SLC7A2: variants seen among roughly 807,000 people sequenced by gnomAD.
SLC7A2 encodes cationic amino acid transporter 2.
SLC7A2 carries 48 observed loss-of-function variants against 58.9 expected under a neutral mutation model. That is an observed-to-expected ratio of 0.82 (90% confidence interval 0.65 to 1.04). The LOEUF is 1.04. SLC7A2 is among the 50% of genes least tolerant of loss of function. The probability of loss-of-function intolerance (pLI) is 0.00; values close to 1 mark genes in which losing one functional copy is unlikely to be tolerated. For missense variants in SLC7A2, 1,029 were observed against 818.8 expected, an observed-to-expected ratio of 1.26 and a Z score of -3.13; for synonymous variants, 363 against 314.5, an observed-to-expected ratio of 1.15 and a Z score of -1.63.
At position 17,544,513 on chromosome 8, in the gene SLC7A2, G is replaced by T; in HGVS notation, c.439G>T (p.Gly147Cys). ...TGATGAACTTCTTAGCAAACAGATT[G>T]GTCAGTTTTTGAGGACATACTTCAG... ...TFDELLSKQI[G>C]QFLRTYFRMN... Residue 147 changes from glycine (G) to cysteine (C), a missense_variant, in exon 4 of 13, where the codon GGT (glycine) becomes TGT (cysteine). Physicochemically the swap from Gly to Cys is radical, Grantham distance 159 (BLOSUM62 -3). Transcript: ENST00000494857. The T allele has an allele frequency of 6.2e-7, 1 of 1,613,824 alleles. No individual in the cohort carries two copies.
chr8:17,513,214 T>G (rs1436783788), intron 2 of SLC7A2, among the ~76,000 whole-genome samples: 1 of 152,180 alleles, frequency 6.6e-6, no homozygotes, highest in Non-Finnish European at 1.5e-5. Flanking sequence ...CTGTTTTTAG[T>G]TTTTTGAGGA....
At chr8:17,559,171 C>T (rs1196894148) in intron 9 of SLC7A2, among the ~76,000 whole-genome samples, 2 of 152,090 alleles carry the variant, frequency 1.3e-5, no homozygotes, top group Admixed American at 1.3e-4. Flanking sequence ...GGAGAAGAGG[C>T]TGCACTGAAA....
At chr8:17,526,731 A>G (rs1801236052) in intron 2 of SLC7A2, among the ~76,000 whole-genome samples, 2 of 152,152 alleles carry the variant, frequency 1.3e-5, no homozygotes, top group South Asian at 4.1e-4. Context: ...AAATTTCAGC[A>G]GCGTGTGGTA....
At chr8:17,511,823 ATT>A (rs1386358472) in intron 2 of SLC7A2, among the ~76,000 whole-genome samples, 1 of 152,182 alleles carries the variant, frequency 6.6e-6, no homozygotes, top group Non-Finnish European at 1.5e-5. Flanking sequence ...GAAAGTTAAA[ATT>A]TAGAGGGCTG....
At chr8:17,524,222 A>C (rs541876066) in intron 2 of SLC7A2, among the ~76,000 whole-genome samples, 1 of 152,338 alleles carries the variant, frequency 6.6e-6, no homozygotes, top group African/African-American at 2.4e-5. Flanking sequence ...TAAAAGTAGA[A>C]CTACCATTTG....
chr8:17,504,920 C>G (rs1195860465), intron 2 of SLC7A2, among the ~76,000 whole-genome samples: 3 of 152,100 alleles, frequency 2.0e-5, no homozygotes, highest in Non-Finnish European at 4.4e-5. Flanking sequence ...AGAAGGAGCT[C>G]CTCCTCCTTT....
At chr8:17,539,155 G>C (rs948437084) in intron 2 of SLC7A2, among the ~76,000 whole-genome samples, 1 of 152,134 alleles carries the variant, frequency 6.6e-6, no homozygotes, top group Non-Finnish European at 1.5e-5. Flanking sequence ...TCAGGGTTAG[G>C]GATTTACTAG....
intron 2 of SLC7A2, among the ~76,000 whole-genome samples, chr8:17,502,875 A>G (rs1800219695): frequency 6.6e-6 from 1 of 152,018 alleles, no homozygotes; most frequent in African/African-American, 2.4e-5. Context: ...AATAGTATTC[A>G]TTTTAGGTCT....
At chr8:17,500,244 C>A (rs1418837720) in intron 1 of SLC7A2, 1 of 152,212 alleles carries the variant, frequency 6.6e-6, no homozygotes, top group Non-Finnish European at 1.5e-5. Context: ...TTTACATGCT[C>A]TCTCTAATAC....
intron 2 of SLC7A2, among the ~76,000 whole-genome samples, chr8:17,521,763 G>A (rs1298117566): frequency 6.6e-6 from 1 of 152,346 alleles, no homozygotes; most frequent in African/African-American, 2.4e-5. Context: ...TCTTGTGTCC[G>A]TGCCCAGAAT....
chr8:17,507,401 C>CG (rs544517926), intron 2 of SLC7A2, among the ~76,000 whole-genome samples: 1 of 151,462 alleles, frequency 6.6e-6, no homozygotes, highest in African/African-American at 2.4e-5. Context: ...TGTGTGGAGA[C>CG]GGGGGTCTCA....
At position 17,565,025 on chromosome 8, in the gene SLC7A2, A is replaced by G; in HGVS notation, c.1856A>G (p.Asp619Gly). Residue 619 changes from aspartate (D) to glycine (G), a missense_variant, in exon 13 of 13, where the codon GAT becomes GGT. Physicochemically the swap from Asp to Gly is moderately conservative, Grantham distance 94 (BLOSUM62 -1). Transcript: ENST00000494857. ...GHLRDENNEE[D>G]AYPDNVHAAA... The stretch of plus-strand genomic sequence containing the variant: ...CTGAGAGATGAAAACAATGAAGAAG[A>G]TGCTTATCCAGACAACGTTCATGCA... 1.9e-6 allele frequency: 3 copies of G among 1,613,946 alleles called. No individual in the cohort carries two copies. The highest frequency in any genetic ancestry group is 2.5e-6 in the Non-Finnish European group (3 of 1,179,926).
At chr8:17,538,186 G>T (rs995418962) in intron 2 of SLC7A2, among the ~76,000 whole-genome samples, 4 of 152,128 alleles carry the variant, frequency 2.6e-5, no homozygotes, top group African/African-American at 9.7e-5. Flanking sequence ...TACTGATTTG[G>T]TATAAAATGG....
Position 17,569,472 on chromosome 8 carries a change from G to A in SLC7A2, c.*4326G>A, listed in dbSNP as rs540118531. ...TTCGCGTAGCAATAATGCCAGCAAA[G>A]GTCATTTTCATTTTTTAGTCATATA... On this transcript the variant is annotated 3_prime_UTR_variant, in exon 13 of 13. Transcript: ENST00000494857. The A allele has an allele frequency of 3.6e-4, 55 of 152,056 alleles. No homozygotes were observed. The highest frequency in any genetic ancestry group is 3.5e-3 in the Admixed American group (53 of 15,270). 9.4% of individuals were successfully genotyped at this position (152,056 alleles called of 1,614,324 possible). A position where few individuals can be genotyped will look rare whatever the true frequency, so the allele number is the denominator to read the frequency against.
chr8:17,524,237 A>G (rs1029827543), intron 2 of SLC7A2, among the ~76,000 whole-genome samples: 2 of 152,244 alleles, frequency 1.3e-5, no homozygotes, highest in African/African-American at 4.8e-5. Flanking sequence ...CATTTGATCC[A>G]GCAGTCCCAC....
intron 2 of SLC7A2, among the ~76,000 whole-genome samples, chr8:17,522,567 C>T (rs10110252): frequency 0.48 from 73,232 of 151,866 alleles, 18,684 homozygotes; most frequent in Middle Eastern, 0.59. Flanking sequence ...GACAATGTAA[C>T]AGGGGATGCT....
chr8:17,561,671 C>T lies in SLC7A2; in HGVS notation c.1505-273C>T, dbSNP rs764589073. ...GTAACCAGTGAGGACACAGATGGCACGTGGGCAGATAATGCCAGTGAGTAA... is the reference window on the plus strand; with the variant it reads ...GTAACCAGTGAGGACACAGATGGCATGTGGGCAGATAATGCCAGTGAGTAA... On this transcript the variant is annotated intron_variant, in intron 10 of 12. Coordinates refer to ENST00000494857, the MANE Select transcript of SLC7A2 (RefSeq NM_001370338.1). Among the ~76,000 whole-genome samples, 11 of 152,246 alleles carry T rather than the reference C, an allele frequency of 7.2e-5. No individual in the cohort carries two copies. The East Asian group carries it at 1.9e-3, about 27-fold the overall frequency.
chr8:17,548,431 T>C (rs1263017541), intron 4 of SLC7A2, among the ~76,000 whole-genome samples: 1 of 152,240 alleles, frequency 6.6e-6, no homozygotes, highest in African/African-American at 2.4e-5. Flanking sequence ...TTACTAGATT[T>C]ATGTTTCTTA....
intron 2 of SLC7A2, among the ~76,000 whole-genome samples, chr8:17,523,864 C>G (rs2588220): frequency 0.53 from 80,590 of 151,770 alleles, 21,856 homozygotes; most frequent in Middle Eastern, 0.6. Flanking sequence ...GTCTATACAT[C>G]TGACAAAGGA....
Sources: gnomAD v4.1 joint callset for allele counts (sites outside exome capture counted in the v4.1 genomes callset) on GRCh38, gnomAD v4.1.1 for gene constraint, MANE v1.5 for transcripts, NCBI Gene and HGNC (gene_info 2026-07-23, HGNC 2026-07-21) for gene names.